The following LYPD5 variants were observed in gnomAD, a reference collection of about 807,000 sequenced individuals.
LYPD5 encodes the protein ly6/PLAUR domain-containing protein 5.
A neutral mutation model predicts 19.1 loss-of-function variants in LYPD5; 21 were observed. The ratio of observed to expected loss-of-function variants is 1.10; its 90% CI spans 0.78 to 1.58. The LOEUF is 1.58. Ranked by LOEUF, LYPD5 falls within the 40% of genes most tolerant of loss-of-function variation. The probability of loss-of-function intolerance (pLI) is 0.00; values close to 1 mark genes in which losing one functional copy is unlikely to be tolerated. For synonymous variants in LYPD5, 128 were observed against 142.7 expected (o/e 0.90, Z 0.74); for missense variants, 287 against 329.8 (o/e 0.87, Z 1.00).
intron 2 of LYPD5, 110 bp from the exon 3 acceptor site, chr19:43,799,098 CTCCCTCCT>C: frequency 2.0e-6 from 2 of 1,014,500 alleles, no homozygotes; most frequent in Non-Finnish European, 1.4e-6. Flanking sequence ...ACCTCCTCCC[CTCCCTCCT>C]TCCCTCCTTC....
chr19:43,798,901 G>A lies in LYPD5; in HGVS notation c.281C>T (p.Pro94Leu). The A allele has an allele frequency of 1.2e-6, 2 of 1,602,666 alleles. No individual in the cohort carries two copies. The highest frequency in any genetic ancestry group is 1.7e-6 in the Non-Finnish European group (2 of 1,174,880). Residue 94 changes from proline to leucine, a missense_variant, in exon 3 of 5, where the codon CCG becomes CTG. Physicochemically the swap from Pro to Leu is moderately conservative, Grantham distance 98 (BLOSUM62 -3). Coordinates refer to ENST00000377950, the MANE Select transcript of LYPD5 (RefSeq NM_001031749.3). ...GCCGCGCACCACCGAGTAGTCTGGCGGCAGCGCGTCCGCGTTCGATTGCGT... is the reference window on the plus strand; with the variant it reads ...GCCGCGCACCACCGAGTAGTCTGGCAGCAGCGCGTCCGCGTTCGATTGCGT... Reference protein sequence around the residue: ...GQTQSNADALPPDYSVVRGCT... With the variant: ...GQTQSNADALLPDYSVVRGCT...
intron 1 of LYPD5, among the ~76,000 whole-genome samples, chr19:43,809,662 G>A (rs1399393047): frequency 6.6e-6 from 1 of 152,202 alleles, no homozygotes; most frequent in Non-Finnish European, 1.5e-5. Flanking sequence ...AAAGTGCTGG[G>A]ATTACAGGCG....
At chr19:43,814,504 A>G (rs1225077148) in intron 1 of LYPD5, among the ~76,000 whole-genome samples, 1 of 151,874 alleles carries the variant, frequency 6.6e-6, no homozygotes, top group Admixed American at 6.6e-5. Flanking sequence ...AAAACAAACA[A>G]ACAAACAAAT....
chr19:43,808,925 A>G (rs183072874), intron 1 of LYPD5, among the ~76,000 whole-genome samples: 2 of 152,370 alleles, frequency 1.3e-5, no homozygotes, highest in African/African-American at 4.8e-5. Flanking sequence ...CTAAAGCAAT[A>G]ATAAGCAACT....
intron 1 of LYPD5, among the ~76,000 whole-genome samples, chr19:43,809,875 A>T (rs1970305053): frequency 6.6e-6 from 1 of 152,236 alleles, no homozygotes; most frequent in Non-Finnish European, 1.5e-5. Context: ...AGCACAGACT[A>T]TTTTAAATGA....
At chr19:43,818,012 C>A (rs533687416) in intron 1 of LYPD5, among the ~76,000 whole-genome samples, 1 of 152,296 alleles carries the variant, frequency 6.6e-6, no homozygotes, top group African/African-American at 2.4e-5. Flanking sequence ...CTGCGCCCAG[C>A]CCATAAGTAC....
rs769247371 is a variant in LYPD5 at position 43,798,617 on chromosome 19, A to AGATG, written c.371-20_371-17dup. On this transcript the variant is annotated splice_polypyrimidine_tract_variant and intron_variant, in intron 3 of 4. Transcript: ENST00000377950. ...GGGTCGGGTGCTGGCAAGAGAGCGT[A>AGATG]GATGCACACTCAGGCAGTGGTACCC... 2.5e-6 allele frequency: 4 copies of AGATG among 1,609,628 alleles called. No individual in the cohort carries two copies. In the African/African-American group the frequency reaches 4.0e-5, roughly 16 times the overall value.
At position 43,807,527 on chromosome 19, in the gene LYPD5, G is replaced by A. The variant is rs112049792; in HGVS notation, c.-65-7693C>T. 8.8e-4 allele frequency among the ~76,000 whole-genome samples: 134 copies of A among 152,072 alleles called. 3 individuals carry two copies. In the East Asian group the frequency reaches 0.021, roughly 24 times the overall value. ...TCGAACTCCTGATCTCAGGTGATCC[G>A]CCTGCCTCGGCCTCCCAGAGTTGGG... is the stretch of plus-strand genomic sequence containing the variant. On this transcript the variant is annotated intron_variant, in intron 1 of 4. Coordinates refer to the LYPD5 transcript ENST00000414615.
At chr19:43,807,157 C>T (rs1386238209), upstream of LYPD5, among the ~76,000 whole-genome samples, 1 of 152,138 alleles carries the variant, frequency 6.6e-6, no homozygotes, top group Non-Finnish European at 1.5e-5. Context: ...ATGAATATGG[C>T]TGTACAAATA....
chr19:43,820,144 CACAT>C (rs919721664), intron 1 of LYPD5, among the ~76,000 whole-genome samples: 4 of 152,302 alleles, frequency 2.6e-5, no homozygotes, highest in African/African-American at 9.6e-5. Context: ...TTCTTTTTGA[CACAT>C]ACACACAGTC....
chr19:43,813,876 TG>T (rs1358501704), intron 1 of LYPD5, among the ~76,000 whole-genome samples: 1 of 152,038 alleles, frequency 6.6e-6, no homozygotes, highest in Admixed American at 6.6e-5. Flanking sequence ...TTAGCAGAGA[TG>T]GGGTTTCACC....
intron 1 of LYPD5, among the ~76,000 whole-genome samples, chr19:43,817,122 C>T (rs1341814451): frequency 6.6e-6 from 1 of 152,128 alleles, no homozygotes. Context: ...TCTCACAATT[C>T]TGGGGGCTTT....
Position 43,798,585 on chromosome 19 carries a change from C to A in LYPD5, c.387G>T (p.Thr129=). The A allele has an allele frequency of 6.2e-7, 1 of 1,610,730 alleles. No homozygotes were observed. The part of the protein sequence containing the change: ...PNLSQAPDPP[T]LSGAECYACI... ...AGGCGTAGCACTCGGCGCCGCTGAG[C>A]GTCGGCGGGTCGGGTGCTGGCAAGA... The change falls in exon 4 of 5, where the codon ACG becomes ACT. Residue 129 remains threonine, a synonymous_variant. Coordinates refer to ENST00000377950, the MANE Select transcript of LYPD5 (RefSeq NM_001031749.3).
In LYPD5 at chr19:43,798,903, C is replaced by G; in HGVS notation, c.279G>C (p.Leu93=). Residue 93 remains leucine (L), a synonymous_variant, in exon 3 of 5, where the codon CTG becomes CTC. Transcript: ENST00000377950. ...AGQTQSNADA[L]PPDYSVVRGC... The stretch of plus-strand genomic sequence containing the variant: ...CGCGCACCACCGAGTAGTCTGGCGG[C>G]AGCGCGTCCGCGTTCGATTGCGTCT... The G allele has an allele frequency of 5.6e-6, 9 of 1,601,746 alleles. No individual in the cohort carries two copies. Among genetic ancestry groups the G allele is most frequent in the Non-Finnish European group, 7.7e-6 (9 of 1,174,484 alleles).
chr19:43,798,691 C>G, intron 3 of LYPD5, 90 bp from the exon 4 acceptor site: 5 of 1,585,830 alleles, frequency 3.2e-6, no homozygotes, highest in Non-Finnish European at 4.3e-6. Flanking sequence ...GCGCCTAGCA[C>G]GTCTCGGGGG....
chr19:43,798,888 C>T lies in LYPD5; in HGVS notation c.294G>A (p.Ser98=), dbSNP rs985972323. 1.2e-6 allele frequency: 2 copies of T among 1,605,938 alleles called. No individual in the cohort carries two copies. The highest frequency in any genetic ancestry group is 1.7e-6 in the Non-Finnish European group (2 of 1,176,418). ...SNADALPPDY[S]VVRGCTTDKC... is the part of the protein sequence containing the mutation. ...TGTCAGTTGTGCAGCCGCGCACCAC[C>T]GAGTAGTCTGGCGGCAGCGCGTCCG... is the stretch of plus-strand genomic sequence containing the variant. Residue 98 remains serine (S), a synonymous_variant, in exon 3 of 5, where the codon TCG becomes TCA. Coordinates refer to ENST00000377950, the MANE Select transcript of LYPD5 (RefSeq NM_001031749.3).
intron 1 of LYPD5, among the ~76,000 whole-genome samples, chr19:43,810,624 C>T (rs941704472): frequency 9.8e-5 from 13 of 132,656 alleles, no homozygotes; most frequent in African/African-American, 3.3e-4. Flanking sequence ...CCTTTCTTTC[C>T]GTTTTTCTTT....
At position 43,799,007 on chromosome 19, in the gene LYPD5, C is replaced by T; in HGVS notation, c.194-19G>A. ...CGATACCCTGGGGGCGGGATCGGGG[C>T]TCGTGCTCTGCTTCCCGAAACCCTT... On this transcript the variant is annotated intron_variant, in intron 2 of 4. Coordinates refer to ENST00000377950, the MANE Select transcript of LYPD5 (RefSeq NM_001031749.3). 6.5e-7 allele frequency: 1 copy of T among 1,546,126 alleles called. No homozygotes were observed. Among genetic ancestry groups the T allele is most frequent in the Non-Finnish European group, 8.7e-7 (1 of 1,144,914 alleles).
chr19:43,810,763 G>A (rs1358641971), intron 1 of LYPD5, among the ~76,000 whole-genome samples: 1 of 151,624 alleles, frequency 6.6e-6, no homozygotes, highest in Non-Finnish European at 1.5e-5. Flanking sequence ...AAGTAAGCTG[G>A]GATTACAGGG....
Sources: allele counts gnomAD v4.1 joint callset (sites outside exome capture counted in the v4.1 genomes callset), GRCh38; gene constraint gnomAD v4.1.1; transcripts MANE v1.5; gene names NCBI Gene and HGNC (gene_info 2026-07-23, HGNC 2026-07-21).